Variants in KLHDC1 observed in about 807,000 individuals in gnomAD.
KLHDC1 encodes the protein kelch domain containing 1.
KLHDC1 carries 53 observed loss-of-function variants against 68.3 expected under a neutral mutation model. The observed-to-expected ratio is 0.78, with a 90% CI of 0.62 to 0.98. The LOEUF is 0.98. Ranked by LOEUF, KLHDC1 falls within the 50% of genes least tolerant of loss-of-function variation. The pLI, the probability that KLHDC1 is intolerant of heterozygous loss-of-function variation, is 0.00. For missense variants in KLHDC1, 470 were observed against 492.3 expected, an observed-to-expected ratio of 0.95 and a Z score of 0.43; for synonymous variants, 148 against 159.0, an observed-to-expected ratio of 0.93 and a Z score of 0.52.
At position 49,738,130 on chromosome 14, in the gene KLHDC1, C is replaced by T. The variant is rs918702788; in HGVS notation, c.897-1968C>T. Among the ~76,000 whole-genome samples the T allele has an allele frequency of 1.6e-4, 25 of 151,764 alleles. No individual in the cohort carries two copies. In the South Asian group the frequency reaches 2.1e-3, roughly 13 times the overall value. On this transcript the variant is annotated intron_variant, in intron 10 of 12. Transcript: ENST00000359332. Reference sequence around the variant, plus strand: ...GCAACCTCCGCCTCCTGGGTTCAAGCGATCCTCCTGCCTCAGCCTCCTGAG... The same window carrying T: ...GCAACCTCCGCCTCCTGGGTTCAAGTGATCCTCCTGCCTCAGCCTCCTGAG...
chr14:49,709,169 A>G lies in KLHDC1; in HGVS notation c.107A>G (p.Asp36Gly). 2.3e-6 allele frequency: 3 copies of G among 1,296,306 alleles called. No homozygotes were observed. The highest frequency in any genetic ancestry group is 3.3e-6 in the Non-Finnish European group (3 of 907,444). The allele number at this position is 1,296,306 out of a possible 1,614,324, so 80.3% of individuals were successfully genotyped here. A position where few individuals can be genotyped will look rare whatever the true frequency, so the allele number is the denominator to read the frequency against. Residue 36 changes from aspartate (D) to glycine (G), a missense_variant, in exon 2 of 13, where the codon GAC (aspartate) becomes GGC (glycine). Coordinates refer to ENST00000359332, the MANE Select transcript of KLHDC1 (RefSeq NM_172193.3). ...YVWGGYVSIE[D>G]NEVYLPNDEI... ...ATTCTGTATTTTTAGTCTATTGAAGACAATGAAGTATATTTGCCTAATGAT... is the reference window on the plus strand; with the variant it reads ...ATTCTGTATTTTTAGTCTATTGAAGGCAATGAAGTATATTTGCCTAATGAT...
intron 4 of KLHDC1, among the ~76,000 whole-genome samples, chr14:49,714,344 G>A (rs2139743357): frequency 6.6e-6 from 1 of 151,832 alleles, no homozygotes; most frequent in East Asian, 2.0e-4. Context: ...GTGGTGGCAG[G>A]CACCTGTAAT....
At chr14:49,717,907 AGG>A (rs1324595257) in intron 4 of KLHDC1, among the ~76,000 whole-genome samples, 1 of 152,090 alleles carries the variant, frequency 6.6e-6, no homozygotes, top group Non-Finnish European at 1.5e-5. Context: ...TATAAGAGTC[AGG>A]GTCTTTCTTT....
chr14:49,700,556 C>G (rs1752178236), intron 1 of KLHDC1, among the ~76,000 whole-genome samples: 1 of 152,114 alleles, frequency 6.6e-6, no homozygotes, highest in Non-Finnish European at 1.5e-5. Flanking sequence ...CGCACTCCAG[C>G]CTGGGTGACA....
chr14:49,709,230 G>A lies in KLHDC1; in HGVS notation c.167+1G>A, dbSNP rs1204894767. On this transcript the variant is annotated splice_donor_variant, in intron 2 of 12. Transcript: ENST00000359332. LOFTEE classifies it high-confidence loss of function. The stretch of plus-strand genomic sequence containing the variant: ...CCTATGATATTGATAGTGGGTTGTG[G>A]TAAGTAATTTTAAATTGCATACTGT... The A allele has an allele frequency of 1.5e-6, 2 of 1,297,182 alleles. No individual in the cohort carries two copies. The highest frequency in any genetic ancestry group is 1.8e-4 in the Middle Eastern group (1 of 5,422). The allele number at this position is 1,297,182 out of a possible 1,614,324, so 80.4% of individuals were successfully genotyped here. A position where few individuals can be genotyped will look rare whatever the true frequency, so the allele number is the denominator to read the frequency against.
chr14:49,741,831 A>G (rs568353618), intron 11 of KLHDC1, among the ~76,000 whole-genome samples: 75 of 152,166 alleles, frequency 4.9e-4, no homozygotes, highest in African/African-American at 1.8e-3. Flanking sequence ...GGAATGATTG[A>G]TGTGGTTTTG....
At chr14:49,721,469 C>T (rs964816853) in intron 4 of KLHDC1, among the ~76,000 whole-genome samples, 2 of 152,242 alleles carry the variant, frequency 1.3e-5, no homozygotes, top group African/African-American at 4.8e-5. Flanking sequence ...TATGCCAGAT[C>T]TTCTGTCTGA....
At chr14:49,723,271 G>T (rs927965784) in intron 4 of KLHDC1, among the ~76,000 whole-genome samples, 1 of 151,750 alleles carries the variant, frequency 6.6e-6, no homozygotes, top group Non-Finnish European at 1.5e-5. Context: ...ACCATATCGC[G>T]CCTGTAATCC....
chr14:49,744,292 A>ATGTG (rs36219162), intron 12 of KLHDC1, among the ~76,000 whole-genome samples: 9 of 150,530 alleles, frequency 6.0e-5, no homozygotes, highest in African/African-American at 2.2e-4. Flanking sequence ...GCCTGTATAT[A>ATGTG]TGTGTGTGTG....
At chr14:49,742,767 T>C (rs1203082340) in intron 11 of KLHDC1, among the ~76,000 whole-genome samples, 2 of 150,644 alleles carry the variant, frequency 1.3e-5, no homozygotes, top group Non-Finnish European at 3.0e-5. Flanking sequence ...ATATGAGTTA[T>C]TTGAAAGAAA....
At chr14:49,719,126 C>G (rs2139747995) in intron 4 of KLHDC1, among the ~76,000 whole-genome samples, 1 of 151,926 alleles carries the variant, frequency 6.6e-6, no homozygotes, top group South Asian at 2.1e-4. Flanking sequence ...TATTTTGCCT[C>G]CAACCTTTAT....
In KLHDC1 at chr14:49,725,781, A is replaced by T. The variant is rs779081565; in HGVS notation, c.567+12A>T. On this transcript the variant is annotated intron_variant, in intron 6 of 12. Transcript: ENST00000359332. ...AACCAGAAATTAAAGTAAGTGTGGT[A>T]AAAAGTCATCTTTATATATTTGTAT... The T allele has an allele frequency of 5.1e-6, 7 of 1,379,262 alleles. No homozygotes were observed. The highest frequency in any genetic ancestry group is 7.1e-6 in the Non-Finnish European group (7 of 990,324). 85.4% of individuals were successfully genotyped at this position (1,379,262 alleles called of 1,614,324 possible). A position where few individuals can be genotyped will look rare whatever the true frequency, so the allele number is the denominator to read the frequency against.
At chr14:49,746,770 C>A (rs971024551) in intron 12 of KLHDC1, among the ~76,000 whole-genome samples, 1 of 152,096 alleles carries the variant, frequency 6.6e-6, no homozygotes, top group Non-Finnish European at 1.5e-5. Flanking sequence ...GTGTGGAGAA[C>A]TCTTTTCATT....
chr14:49,748,573 C>CCAAAGGTAAGATGTTTA (rs1345145999), intron 12 of KLHDC1, among the ~76,000 whole-genome samples: 78 of 152,032 alleles, frequency 5.1e-4, no homozygotes, highest in African/African-American at 1.8e-3. Context: ...GGATCATGTT[C>CCAAAGGTAAGATGTTTA]ATCTTACCTT....
At chr14:49,707,476 T>A (rs1888085227) in intron 1 of KLHDC1, among the ~76,000 whole-genome samples, 1 of 150,088 alleles carries the variant, frequency 6.7e-6, no homozygotes. Flanking sequence ...GCCTTCTGAG[T>A]TGCTGGGATT....
At chr14:49,724,017 A>T in intron 5 of KLHDC1, 65 bp downstream of exon 5, 1 of 875,674 alleles carries the variant, frequency 1.1e-6, no homozygotes, top group Non-Finnish European at 1.8e-6. Context: ...CTTAGAAATA[A>T]TGAGTCTAGT....
chr14:49,713,822 A>T (rs1452496100), intron 4 of KLHDC1, among the ~76,000 whole-genome samples: 1 of 1,652 alleles, frequency 6.1e-4, no homozygotes, highest in African/African-American at 9.6e-4. Context: ...ATATATATAT[A>T]TATATATATA....
At chr14:49,731,866 T>A (rs1458928604) in intron 8 of KLHDC1, among the ~76,000 whole-genome samples, 2 of 152,112 alleles carry the variant, frequency 1.3e-5, no homozygotes, top group East Asian at 3.9e-4. Context: ...TTTATTTTTT[T>A]GAGAAATCCT....
chr14:49,712,492 C>G (rs1446122660), intron 4 of KLHDC1, among the ~76,000 whole-genome samples: 1 of 150,780 alleles, frequency 6.6e-6, no homozygotes, highest in African/African-American at 2.4e-5. Flanking sequence ...AAAAGTACTT[C>G]ATAGATTTTC....
Sources: gnomAD v4.1 joint callset for allele counts (sites outside exome capture counted in the v4.1 genomes callset) on GRCh38, gnomAD v4.1.1 for gene constraint, MANE v1.5 for transcripts, NCBI Gene and HGNC (gene_info 2026-07-23, HGNC 2026-07-21) for gene names.